MB21D2: variants seen among roughly 807,000 people sequenced by gnomAD.
The protein encoded by MB21D2 is nucleotidyltransferase MB21D2.
Under a neutral mutation model 33.3 loss-of-function variants are expected in MB21D2, and 9 were observed. The observed-to-expected ratio is 0.27, with a 90% confidence interval of 0.16 to 0.47. The LOEUF (loss-of-function observed/expected upper bound fraction) is 0.47, where lower values mean the gene tolerates loss of function less well. MB21D2 is among the 20% of genes least tolerant of loss of function. The pLI is 0.99. For missense variants in MB21D2, 540 were observed against 624.6 expected, an observed-to-expected ratio of 0.86 and a Z score of 1.44; for synonymous variants, 241 against 236.3, an observed-to-expected ratio of 1.02 and a Z score of -0.18.
chr3:192,917,504 T>C (rs1406105679), intron 1 of MB21D2, 126 bp downstream of exon 1: 1 of 896,970 alleles, frequency 1.1e-6, no homozygotes, highest in East Asian at 2.5e-5. Flanking sequence ...AGATGGCTTA[T>C]ACCCAAGGCA....
chr3:192,878,982 G>A (rs1034643702), intron 1 of MB21D2, among the ~76,000 whole-genome samples: 4 of 151,924 alleles, frequency 2.6e-5, no homozygotes, highest in Non-Finnish European at 4.4e-5. Context: ...AGAAGAAGAA[G>A]AAAAAAGAAT....
intron 1 of MB21D2, among the ~76,000 whole-genome samples, chr3:192,856,389 A>G (rs1313868024): frequency 6.6e-6 from 1 of 152,172 alleles, no homozygotes; most frequent in Non-Finnish European, 1.5e-5. Context: ...GAGAATCACA[A>G]TGCCTATCCT....
intron 1 of MB21D2, among the ~76,000 whole-genome samples, chr3:192,887,576 C>T (rs570167998): frequency 4.6e-4 from 70 of 152,044 alleles, no homozygotes; most frequent in Middle Eastern, 6.8e-3. Flanking sequence ...AAATAATCCA[C>T]GGTGGGGTAG....
chr3:192,833,827 C>T (rs1268055761), intron 1 of MB21D2, among the ~76,000 whole-genome samples: 1 of 152,178 alleles, frequency 6.6e-6, no homozygotes, highest in Non-Finnish European at 1.5e-5. Context: ...AGCCTGGCTG[C>T]CCAGGCTAAC....
rs190977251 is a variant in MB21D2 at position 192,895,404 on chromosome 3, T to C, written c.211+22226A>G. Among the ~76,000 whole-genome samples, 301 of 152,356 alleles carry C rather than the reference T, an allele frequency of 2.0e-3. 4 individuals carry two copies. The highest frequency in any genetic ancestry group is 0.018 in the Admixed American group (280 of 15,306). ...AAAATTACTAATATAAGCATCCGTT[T>C]GAAACCTCAGCTTTATTTCAATCTG... On this transcript the variant is annotated intron_variant, in intron 1 of 1. Coordinates refer to ENST00000392452, the MANE Select transcript of MB21D2 (RefSeq NM_178496.4).
intron 1 of MB21D2, among the ~76,000 whole-genome samples, chr3:192,800,764 C>T (rs1453789468): frequency 6.6e-6 from 1 of 152,090 alleles, no homozygotes; most frequent in Non-Finnish European, 1.5e-5. Flanking sequence ...GTTCATGGAA[C>T]GCCATTTTTA....
chr3:192,835,333 G>A (rs1712413685), intron 1 of MB21D2, among the ~76,000 whole-genome samples: 1 of 150,396 alleles, frequency 6.6e-6, no homozygotes, highest in Non-Finnish European at 1.5e-5. Context: ...GCGGGCACCT[G>A]TAGTCCCAGC....
chr3:192,817,409 A>T (rs527674855), intron 1 of MB21D2, among the ~76,000 whole-genome samples: 7 of 131,278 alleles, frequency 5.3e-5, no homozygotes, highest in African/African-American at 9.1e-5. Flanking sequence ...GGAGAGAGGG[A>T]AGGAGGGAAG....
At chr3:192,913,211 C>T (rs1033962121) in intron 1 of MB21D2, among the ~76,000 whole-genome samples, 12 of 152,166 alleles carry the variant, frequency 7.9e-5, no homozygotes, top group African/African-American at 2.9e-4. Flanking sequence ...GCCTGGGCAA[C>T]ATGGCGAAAC....
At chr3:192,820,645 G>A (rs986380137) in intron 1 of MB21D2, among the ~76,000 whole-genome samples, 5 of 152,228 alleles carry the variant, frequency 3.3e-5, no homozygotes, top group African/African-American at 1.2e-4. Context: ...CCGGCGTCCC[G>A]CCCCGGGCTC....
chr3:192,808,916 A>G (rs74490663), intron 1 of MB21D2, among the ~76,000 whole-genome samples: 4,770 of 152,372 alleles, frequency 0.031, 178 homozygotes, highest in East Asian at 0.14. Flanking sequence ...AATGACACAC[A>G]TAACAGCAAA....
intron 1 of MB21D2, among the ~76,000 whole-genome samples, chr3:192,800,990 G>T (rs1484741916): frequency 6.6e-6 from 1 of 152,176 alleles, no homozygotes; most frequent in Non-Finnish European, 1.5e-5. Flanking sequence ...TGATTAAATT[G>T]GCGATGATAT....
In MB21D2 at chr3:192,848,904, G is replaced by A. The variant is rs115701247; in HGVS notation, c.212-49254C>T. Among the ~76,000 whole-genome samples, 429 of 152,272 alleles carry A rather than the reference G, an allele frequency of 2.8e-3. 2 individuals are homozygous for A. The highest frequency in any genetic ancestry group is 0.01 in the African/African-American group (417 of 41,544). ...CCCCTTGGGGTTCTGATGGACCGAA[G>A]AGAAGAAAAGAAAACAAATGAATTC... On this transcript the variant is annotated intron_variant, in intron 1 of 1. Coordinates refer to ENST00000392452, the MANE Select transcript of MB21D2 (RefSeq NM_178496.4).
At chr3:192,808,383 T>C (rs1238730093) in intron 1 of MB21D2, among the ~76,000 whole-genome samples, 2 of 152,138 alleles carry the variant, frequency 1.3e-5, no homozygotes, top group African/African-American at 4.8e-5. Flanking sequence ...TTATTTAGCC[T>C]GAAAAATGGA....
intron 1 of MB21D2, among the ~76,000 whole-genome samples, chr3:192,877,413 C>A (rs1205934494): frequency 2.0e-5 from 3 of 152,128 alleles, no homozygotes; most frequent in African/African-American, 7.2e-5. Context: ...TGTTCAGAAC[C>A]ATTTCAAACT....
At chr3:192,917,565 G>T in intron 1 of MB21D2, 65 bp downstream of exon 1, 1 of 1,568,500 alleles carries the variant, frequency 6.4e-7, no homozygotes. Flanking sequence ...GCGGCAATGG[G>T]TTTTCTACTC....
chr3:192,877,946 C>A (rs1221109756), intron 1 of MB21D2, among the ~76,000 whole-genome samples: 4 of 151,140 alleles, frequency 2.6e-5, no homozygotes, highest in African/African-American at 9.7e-5. Context: ...AAATCATTAC[C>A]CTCCTTTCAC....
At chr3:192,819,294 A>C (rs1711994026) in intron 1 of MB21D2, among the ~76,000 whole-genome samples, 1 of 152,258 alleles carries the variant, frequency 6.6e-6, no homozygotes. Flanking sequence ...AGTCAGGCTC[A>C]GTGGTGAAGG....
chr3:192,908,795 C>A (rs1270050079), intron 1 of MB21D2, among the ~76,000 whole-genome samples: 1 of 151,956 alleles, frequency 6.6e-6, no homozygotes, highest in Admixed American at 6.6e-5. Context: ...AAAAATAAAG[C>A]GGACATAAGG....
Sources: gnomAD v4.1 joint callset for allele counts (sites outside exome capture counted in the v4.1 genomes callset) on GRCh38, gnomAD v4.1.1 for gene constraint, MANE v1.5 for transcripts, NCBI Gene and HGNC (gene_info 2026-07-23, HGNC 2026-07-21) for gene names.